HPSE2: variants seen among roughly 807,000 people sequenced by gnomAD.
HPSE2 encodes inactive heparanase-2.
HPSE2 carries 38 observed loss-of-function variants against 60.5 expected under a neutral mutation model. That is an observed-to-expected ratio of 0.63 (90% confidence interval 0.48 to 0.82). The LOEUF (loss-of-function observed/expected upper bound fraction) is 0.82, where lower values mean the gene tolerates loss of function less well. HPSE2 is among the 40% of genes least tolerant of loss of function. The probability of loss-of-function intolerance (pLI) is 0.00; values close to 1 mark genes in which losing one functional copy is unlikely to be tolerated. For synonymous variants in HPSE2, 295 were observed against 293.2 expected, an observed-to-expected ratio of 1.01 and a Z score of -0.06; for missense variants, 713 against 740.4, an observed-to-expected ratio of 0.96 and a Z score of 0.43.
In HPSE2 at chr10:98,884,595, T is replaced by A. The variant is rs985863922; in HGVS notation, c.611-140539A>T. ...CTCCATCTGTGCTCTATAAGTGGAA[T>A]GACAAAACCTGGATGACAGCACATC... On this transcript the variant is annotated intron_variant, in intron 3 of 11. Coordinates refer to ENST00000370552, the MANE Select transcript of HPSE2 (RefSeq NM_021828.5). Among the ~76,000 whole-genome samples, 3 of 152,162 alleles carry A rather than the reference T, an allele frequency of 2.0e-5. No homozygotes were observed. The East Asian group carries it at 5.8e-4, about 29-fold the overall frequency.
At position 99,196,752 on chromosome 10, in the gene HPSE2, A is replaced by G. The variant is rs114910413; in HGVS notation, c.448+35596T>C. 2.1e-3 allele frequency among the ~76,000 whole-genome samples: 317 copies of G among 152,322 alleles called. 4 individuals carry two copies. Among genetic ancestry groups the G allele is most frequent in the African/African-American group, 7.4e-3 (307 of 41,578 alleles). On this transcript the variant is annotated intron_variant, in intron 2 of 11. Coordinates refer to ENST00000370552, the MANE Select transcript of HPSE2 (RefSeq NM_021828.5). ...GATGTGCAGAAAAGGAAATCCTTGTACATTGCTGGTGCTGGTGCAAATGTA... is the reference window on the plus strand; with the variant it reads ...GATGTGCAGAAAAGGAAATCCTTGTGCATTGCTGGTGCTGGTGCAAATGTA...
intron 3 of HPSE2, among the ~76,000 whole-genome samples, chr10:98,844,769 T>C (rs938197726): frequency 1.3e-5 from 2 of 152,152 alleles, no homozygotes; most frequent in African/African-American, 4.8e-5. Flanking sequence ...GTTTCTAATA[T>C]TTAAACTTTA....
At chr10:98,987,844 C>T (rs1488965456) in intron 3 of HPSE2, among the ~76,000 whole-genome samples, 2 of 151,884 alleles carry the variant, frequency 1.3e-5, no homozygotes, top group East Asian at 1.9e-4. Flanking sequence ...TTCTTATACA[C>T]CAATAACAGA....
rs71007394 is a variant in HPSE2 at position 98,512,812 on chromosome 10, A to AACACACACACACACACACACACACACAC, written c.1321-22644_1321-22617dup. 3.5e-4 allele frequency among the ~76,000 whole-genome samples: 43 copies of AACACACACACACACACACACACACACAC among 124,624 alleles called. 2 individuals are homozygous for AACACACACACACACACACACACACACAC. The highest frequency in any genetic ancestry group is 4.9e-4 in the Non-Finnish European group (29 of 59,356). 81.8% of individuals were successfully genotyped at this position (124,624 alleles called of 152,430 possible). On this transcript the variant is annotated intron_variant, in intron 9 of 11. Coordinates refer to ENST00000370552, the MANE Select transcript of HPSE2 (RefSeq NM_021828.5). ...CAGACCCATTCCACTCCCACCCCCC[A>AACACACACACACACACACACACACACAC]ACACACACACACACACACACACACA...
chr10:98,981,775 T>G (rs1298099593), intron 3 of HPSE2, among the ~76,000 whole-genome samples: 1 of 152,114 alleles, frequency 6.6e-6, no homozygotes, highest in African/African-American at 2.4e-5. Flanking sequence ...AATGCCTTAT[T>G]TCTACAGCTA....
At chr10:98,981,743 C>A (rs1360945084) in intron 3 of HPSE2, among the ~76,000 whole-genome samples, 1 of 152,102 alleles carries the variant, frequency 6.6e-6, no homozygotes, top group African/African-American at 2.4e-5. Flanking sequence ...CTCAATATAT[C>A]TAAAACTGGT....
chr10:98,484,747 A>C (rs1024504721), intron 10 of HPSE2, among the ~76,000 whole-genome samples: 1 of 152,124 alleles, frequency 6.6e-6, no homozygotes, highest in African/African-American at 2.4e-5. Context: ...AAAACTATTC[A>C]CCATTTTGGA....
At chr10:98,912,254 G>A (rs1305025195) in intron 3 of HPSE2, among the ~76,000 whole-genome samples, 2 of 152,134 alleles carry the variant, frequency 1.3e-5, no homozygotes, top group African/African-American at 4.8e-5. Flanking sequence ...ACACTGAATT[G>A]CTAACATCTA....
chr10:99,229,693 T>G (rs1047927604), intron 2 of HPSE2, among the ~76,000 whole-genome samples: 10 of 152,220 alleles, frequency 6.6e-5, no homozygotes, highest in Non-Finnish European at 1.3e-4. Flanking sequence ...TTCTCTTCAC[T>G]GTATCATTCA....
At chr10:98,809,745 G>A (rs1951124515) in intron 3 of HPSE2, among the ~76,000 whole-genome samples, 1 of 152,050 alleles carries the variant, frequency 6.6e-6, no homozygotes, top group Admixed American at 6.6e-5. Flanking sequence ...ATATTCTTGG[G>A]AGCATAGAAT....
chr10:98,585,695 T>TA (rs1167607352), intron 9 of HPSE2, among the ~76,000 whole-genome samples: 1 of 150,380 alleles, frequency 6.6e-6, no homozygotes, highest in Non-Finnish European at 1.5e-5. Context: ...CTCACGCCTG[T>TA]AATCCCAGCA....
intron 3 of HPSE2, among the ~76,000 whole-genome samples, chr10:98,884,920 A>C (rs1486315758): frequency 6.6e-6 from 1 of 152,160 alleles, no homozygotes; most frequent in African/African-American, 2.4e-5. Context: ...AGTAATTTGG[A>C]CTTTCAAGTA....
At chr10:99,246,053 A>C in the HPSE2 span, among the ~76,000 whole-genome samples, 1 of 152,398 alleles carries the variant, frequency 6.6e-6, no homozygotes, top group East Asian at 1.9e-4. Context: ...AATTAAACAC[A>C]TATGTTAAAC....
intron 3 of HPSE2, among the ~76,000 whole-genome samples, chr10:98,767,959 A>G (rs1950161403): frequency 6.7e-6 from 1 of 149,744 alleles, no homozygotes; most frequent in South Asian, 2.1e-4. Flanking sequence ...ATATATAACT[A>G]TATAATAGTG....
At position 98,999,156 on chromosome 10, in the gene HPSE2, C is replaced by CGTGTGTGTGTGTGT. The variant is rs55879808; in HGVS notation, c.610+145068_610+145081dup. On this transcript the variant is annotated intron_variant, in intron 3 of 11. Coordinates refer to ENST00000370552, the MANE Select transcript of HPSE2 (RefSeq NM_021828.5). Reference sequence around the variant, plus strand: ...GCACACTGCTAAGTGGTATAGACTACGTGTGTGTGTGTGTGTGTGTGTGTG... The same window carrying CGTGTGTGTGTGTGT: ...GCACACTGCTAAGTGGTATAGACTACGTGTGTGTGTGTGTGTGTGTGTGTGTGTGTGTGTGTGTG... Among the ~76,000 whole-genome samples the CGTGTGTGTGTGTGT allele has an allele frequency of 1.3e-3, 181 of 137,680 alleles. 1 individual carries two copies. Among genetic ancestry groups the CGTGTGTGTGTGTGT allele is most frequent in the East Asian group, 6.1e-3 (29 of 4,722 alleles). 90.3% of individuals were successfully genotyped at this position (137,680 alleles called of 152,430 possible).
At chr10:98,625,777 C>T (rs1227154104) in intron 7 of HPSE2, among the ~76,000 whole-genome samples, 1 of 152,150 alleles carries the variant, frequency 6.6e-6, no homozygotes, top group African/African-American at 2.4e-5. Context: ...ATACTAATCA[C>T]TGAAATAAGT....
At chr10:98,730,163 T>C (rs1295663210) in intron 4 of HPSE2, among the ~76,000 whole-genome samples, 3 of 152,118 alleles carry the variant, frequency 2.0e-5, no homozygotes, top group Non-Finnish European at 4.4e-5. Context: ...TTAATCACAA[T>C]AGAATTAAAC....
intron 2 of HPSE2, among the ~76,000 whole-genome samples, chr10:99,228,670 A>G (rs1443166590): frequency 6.6e-6 from 1 of 152,240 alleles, no homozygotes; most frequent in Non-Finnish European, 1.5e-5. Flanking sequence ...CTATTTGTGT[A>G]TATAATTCAA....
intron 4 of HPSE2, among the ~76,000 whole-genome samples, chr10:98,722,744 G>T (rs1948960012): frequency 6.6e-6 from 1 of 152,144 alleles, no homozygotes; most frequent in Admixed American, 6.6e-5. Context: ...AGGCTAATTT[G>T]ATTTGGAATG....
Sources: allele counts gnomAD v4.1 joint callset (sites outside exome capture counted in the v4.1 genomes callset), GRCh38; gene constraint gnomAD v4.1.1; transcripts MANE v1.5; gene names NCBI Gene and HGNC (gene_info 2026-07-23, HGNC 2026-07-21).